DPF3: variants seen among roughly 807,000 people sequenced by gnomAD.
DPF3 encodes zinc finger protein DPF3.
A neutral mutation model predicts 56.8 loss-of-function variants in DPF3; 18 were observed. The observed-to-expected ratio is 0.32, with a 90% CI of 0.22 to 0.47. The LOEUF (loss-of-function observed/expected upper bound fraction) is 0.47. Ranked by LOEUF, DPF3 falls within the 20% of genes least tolerant of loss-of-function variation. DPF3 has a pLI of 1.00. For synonymous variants in DPF3, 188 were observed against 180.2 expected (o/e 1.04, Z -0.35); for missense variants, 403 against 488.8 (o/e 0.82, Z 1.65).
intron 8 of DPF3, among the ~76,000 whole-genome samples, chr14:72,644,111 C>T (rs1885642696): frequency 6.6e-6 from 1 of 152,186 alleles, no homozygotes; most frequent in Admixed American, 6.5e-5. Context: ...GTCTTGAGCC[C>T]TGGAGACACC....
intron 4 of DPF3, among the ~76,000 whole-genome samples, chr14:72,727,746 T>C (rs1266901851): frequency 1.3e-5 from 2 of 152,154 alleles, no homozygotes; most frequent in Non-Finnish European, 2.9e-5. Context: ...AGGTATCTCT[T>C]GGTCTCTGTG....
intron 1 of DPF3, among the ~76,000 whole-genome samples, chr14:72,815,049 C>A (rs1370696669): frequency 6.6e-6 from 1 of 152,088 alleles, no homozygotes; most frequent in Non-Finnish European, 1.5e-5. Context: ...AAAACACAAG[C>A]TACAGACTGA....
At chr14:72,729,174 G>C (rs975603415) in intron 4 of DPF3, among the ~76,000 whole-genome samples, 5 of 152,134 alleles carry the variant, frequency 3.3e-5, no homozygotes, top group African/African-American at 1.2e-4. Flanking sequence ...CTTGAACCCA[G>C]TAGGCAGAGG....
At chr14:72,831,007 C>T (rs977370752) in intron 1 of DPF3, among the ~76,000 whole-genome samples, 1 of 152,228 alleles carries the variant, frequency 6.6e-6, no homozygotes, top group African/African-American at 2.4e-5. Flanking sequence ...CTATGAGAGC[C>T]TTTCTTCAGG....
rs74060870 is a variant in DPF3, at chr14:72,888,048, G to A, written c.32+6009C>T. Among the ~76,000 whole-genome samples the A allele has an allele frequency of 5.7e-3, 872 of 152,218 alleles. 12 individuals carry two copies. Among genetic ancestry groups the A allele is most frequent in the African/African-American group, 0.02 (830 of 41,514 alleles). The stretch of plus-strand genomic sequence containing the variant: ...AGAGAGGGAGGAGAGGGTGCAAAGT[G>A]GGGATTAGACATGTGCCAGCATTGT... On this transcript the variant is annotated intron_variant, in intron 1 of 10. Coordinates refer to ENST00000556509, the MANE Select transcript of DPF3 (RefSeq NM_001280542.3).
rs543919666 is a variant in DPF3, at chr14:72,610,226, G to A, written c.*9071C>T. Among the ~76,000 whole-genome samples, 5 of 152,250 alleles carry A rather than the reference G, an allele frequency of 3.3e-5. No homozygotes were observed. The highest frequency in any genetic ancestry group is 5.9e-5 in the Non-Finnish European group (4 of 68,048). ...ATGGAGGCAGCAATTGGAGATCTCA[G>A]TGTGTTTCCAGGGTCTCTGACTCAA... On this transcript the variant is annotated 3_prime_UTR_variant, in exon 11 of 11. Coordinates refer to ENST00000556509, the MANE Select transcript of DPF3 (RefSeq NM_001280542.3).
At chr14:72,753,497 A>T in intron 2 of DPF3, 126 bp from the exon 3 acceptor site, 1 of 743,452 alleles carries the variant, frequency 1.3e-6, no homozygotes. Context: ...ACTTGTCAAC[A>T]TCACAAAGCT....
chr14:72,892,827 C>A (rs968639710), intron 1 of DPF3, among the ~76,000 whole-genome samples: 2 of 152,182 alleles, frequency 1.3e-5, no homozygotes, highest in African/African-American at 4.8e-5. Context: ...ACGGAGGGAG[C>A]CACCCTCTGC....
chr14:72,765,737 G>A (rs1323938185), intron 2 of DPF3, among the ~76,000 whole-genome samples: 2 of 152,302 alleles, frequency 1.3e-5, no homozygotes, highest in Admixed American at 6.5e-5. Flanking sequence ...CACGAGGTCA[G>A]GAGATCGAGA....
At chr14:72,818,983 C>A (rs1166563233) in intron 1 of DPF3, among the ~76,000 whole-genome samples, 3 of 152,144 alleles carry the variant, frequency 2.0e-5, no homozygotes, top group Non-Finnish European at 4.4e-5. Flanking sequence ...GACAAAGGAT[C>A]TATATCCAGA....
At position 72,619,004 on chromosome 14, in the gene DPF3, C is replaced by T. The variant is rs1884252946; in HGVS notation, c.*293G>A. On this transcript the variant is annotated 3_prime_UTR_variant, in exon 11 of 11. Transcript: ENST00000556509. ...AAAATGGGAACCAATGAGAGGGCCT[C>T]GGTGCTAGGGTAAAAGTGAGAGGGG... is the stretch of plus-strand genomic sequence containing the variant. Among the ~76,000 whole-genome samples, 1 of 152,178 alleles carries T rather than the reference C, an allele frequency of 6.6e-6. No homozygotes were observed. The highest frequency in any genetic ancestry group is 2.1e-4 in the South Asian group (1 of 4,828).
Position 72,708,421 on chromosome 14 carries a change from C to T in DPF3, c.604+6002G>A, listed in dbSNP as rs970339469. Among the ~76,000 whole-genome samples, 3 of 152,294 alleles carry T rather than the reference C, an allele frequency of 2.0e-5. No homozygotes were observed. In the South Asian group the frequency reaches 6.2e-4, roughly 32 times the overall value. ...CTGGGGGCACCGAGCCTTTCCTCCC[C>T]TCCCCGATCCTACCCCCATCCAAGG... On this transcript the variant is annotated intron_variant, in intron 6 of 10. Transcript: ENST00000556509.
intron 1 of DPF3, among the ~76,000 whole-genome samples, chr14:72,837,634 A>G (rs535835289): frequency 1.3e-5 from 2 of 152,294 alleles, no homozygotes; most frequent in African/African-American, 4.8e-5. Context: ...GCTACTTGGG[A>G]GGCTGAGGCA....
At chr14:72,714,007 A>C (rs972070334) in intron 6 of DPF3, among the ~76,000 whole-genome samples, 2 of 152,260 alleles carry the variant, frequency 1.3e-5, no homozygotes, top group African/African-American at 2.4e-5. Context: ...AAGGGAAACA[A>C]ATGAAAAGCC....
Position 72,731,869 on chromosome 14 carries a change from G to A in DPF3, c.367C>T (p.Arg123Cys), listed in dbSNP as rs369169805. 3.2e-5 allele frequency: 51 copies of A among 1,611,512 alleles called. No individual in the cohort carries two copies. The highest frequency in any genetic ancestry group is 2.2e-5 in the East Asian group (1 of 44,830). The change falls in exon 4 of 11, where the codon CGT (arginine) becomes TGT (cysteine). Residue 123 changes from arginine to cysteine, a missense_variant. By Grantham distance (180) the Arg-to-Cys change is radical (BLOSUM62 -3). Around this residue, in one of 2 missense-constraint regions of DPF3, gnomAD observed 340 missense variants for 374.3 expected, o/e 0.91. Coordinates refer to ENST00000556509, the MANE Select transcript of DPF3 (RefSeq NM_001280542.3). ...ACCTTCTTCTCAACCCCCTCGCCAC[G>A]GAGCAAGGCTTCCAGCGTGGTGCTC... Reference protein sequence around the residue: ...SESTTLEALLRGEGVEKKVDA... With the variant: ...SESTTLEALLCGEGVEKKVDA...
At chr14:72,663,033 C>T (rs1886284399) in intron 8 of DPF3, among the ~76,000 whole-genome samples, 1 of 151,718 alleles carries the variant, frequency 6.6e-6, no homozygotes, top group Non-Finnish European at 1.5e-5. Context: ...GGTAGTGTGT[C>T]CAGCGCCTTG....
chr14:72,649,198 A>T (rs1885820206), intron 8 of DPF3, among the ~76,000 whole-genome samples: 2 of 152,130 alleles, frequency 1.3e-5, no homozygotes, highest in Non-Finnish European at 2.9e-5. Flanking sequence ...GAACCCGAAG[A>T]ATAGAAAGTT....
intron 1 of DPF3, among the ~76,000 whole-genome samples, chr14:72,849,647 CACA>C (rs1391963196): frequency 2.0e-5 from 3 of 152,138 alleles, no homozygotes; most frequent in African/African-American, 2.4e-5. Context: ...ATTCTTTATC[CACA>C]ACAACTCCTT....
Position 72,708,600 on chromosome 14 carries a change from T to C in DPF3, c.604+5823A>G, listed in dbSNP as rs115012372. Among the ~76,000 whole-genome samples the C allele has an allele frequency of 1.9e-3, 288 of 152,322 alleles. 3 individuals are homozygous for C. The highest frequency in any genetic ancestry group is 6.8e-3 in the African/African-American group (283 of 41,576). On this transcript the variant is annotated intron_variant, in intron 6 of 10. Coordinates refer to ENST00000556509, the MANE Select transcript of DPF3 (RefSeq NM_001280542.3). The stretch of plus-strand genomic sequence containing the variant: ...GCCTTAATGCCCTCAAAAAAATTTT[T>C]TTCTTAGCAAAACTGCAAGAGTCAT...
Sources: allele counts gnomAD v4.1 joint callset (sites outside exome capture counted in the v4.1 genomes callset), GRCh38; gene constraint gnomAD v4.1.1; regional missense constraint gnomAD v4.1.1; transcripts MANE v1.5; gene names NCBI Gene and HGNC (gene_info 2026-07-23, HGNC 2026-07-21).